The following ANKIB1 variants were observed in gnomAD, a reference collection of about 807,000 sequenced individuals.
ANKIB1 encodes the protein ankyrin repeat and IBR domain containing 1, also known as ankyrin repeat and IBR domain-containing protein 1.
ANKIB1 carries 43 observed loss-of-function variants against 122.1 expected under a neutral mutation model. The ratio of observed to expected loss-of-function variants is 0.35; its 90% CI spans 0.28 to 0.45. ANKIB1 has a LOEUF of 0.45. Ranked by LOEUF, ANKIB1 falls within the 20% of genes least tolerant of loss-of-function variation. The probability of loss-of-function intolerance (pLI) is 1.00; values close to 1 mark genes in which losing one functional copy is unlikely to be tolerated. For synonymous variants in ANKIB1, 390 were observed against 442.0 expected, an observed-to-expected ratio of 0.88 and a Z score of 1.48; for missense variants, 992 against 1,329.5, an observed-to-expected ratio of 0.75 and a Z score of 3.95.
chr7:92,355,539 G>T (rs958921320), intron 9 of ANKIB1, among the ~76,000 whole-genome samples: 5 of 152,044 alleles, frequency 3.3e-5, no homozygotes, highest in Admixed American at 3.3e-4. Context: ...GAAATTGATT[G>T]GCAGGAAATA....
At chr7:92,337,312 G>C (rs1294548778) in intron 5 of ANKIB1, among the ~76,000 whole-genome samples, 1 of 152,140 alleles carries the variant, frequency 6.6e-6, no homozygotes, top group Non-Finnish European at 1.5e-5. Flanking sequence ...TTTAAATTAA[G>C]AATTAGGCTA....
chr7:92,246,503 C>CA lies in ANKIB1; in HGVS notation c.-106dup. The stretch of plus-strand genomic sequence containing the variant: ...TGCTGGGTCCACCGACCCTTACCCT[C>CA]AGCGAGAGAAGTAACCGTAAGTCTC... On this transcript the variant is annotated 5_prime_UTR_variant, in exon 1 of 20. Coordinates refer to ENST00000265742, the MANE Select transcript of ANKIB1 (RefSeq NM_019004.2). 1.9e-6 allele frequency: 1 copy of CA among 518,528 alleles called. No homozygotes were observed. The highest frequency in any genetic ancestry group is 1.4e-5 in the South Asian group (1 of 71,518). The allele number at this position is 518,528 out of a possible 1,614,324, so 32.1% of individuals were successfully genotyped here.
At chr7:92,289,381 T>G (rs144083298) in intron 1 of ANKIB1, among the ~76,000 whole-genome samples, 259 of 152,328 alleles carry the variant, frequency 1.7e-3, no homozygotes, top group African/African-American at 5.8e-3. Flanking sequence ...TTTTGTTCAT[T>G]TGTATTTTTT....
At chr7:92,380,525 G>A (rs1316400606) in intron 11 of ANKIB1, among the ~76,000 whole-genome samples, 1 of 152,146 alleles carries the variant, frequency 6.6e-6, no homozygotes, top group Non-Finnish European at 1.5e-5. Context: ...CCTCTGAGAC[G>A]AAGATTCCAG....
chr7:92,342,341 G>C (rs74797352), intron 5 of ANKIB1, among the ~76,000 whole-genome samples: 188 of 152,280 alleles, frequency 1.2e-3, no homozygotes, highest in East Asian at 9.1e-3. Context: ...CAAAGTAATT[G>C]AATGTATTAG....
chr7:92,390,162 A>G, intron 15 of ANKIB1, 46 bp downstream of exon 15: 1 of 1,392,658 alleles, frequency 7.2e-7, no homozygotes, highest in African/African-American at 1.5e-5. Flanking sequence ...TTATTATGAA[A>G]TACAGAATTT....
intron 5 of ANKIB1, among the ~76,000 whole-genome samples, chr7:92,330,885 C>T (rs1803157887): frequency 6.6e-6 from 1 of 151,878 alleles, no homozygotes; most frequent in South Asian, 2.1e-4. Flanking sequence ...TCTTTTTAGC[C>T]CATAATAATG....
At chr7:92,262,508 C>T (rs891275075) in intron 1 of ANKIB1, among the ~76,000 whole-genome samples, 5 of 151,970 alleles carry the variant, frequency 3.3e-5, no homozygotes, top group African/African-American at 7.2e-5. Flanking sequence ...TAAAATGTGT[C>T]CAAGGGGTAG....
intron 1 of ANKIB1, among the ~76,000 whole-genome samples, chr7:92,275,576 C>T (rs941907989): frequency 6.6e-6 from 1 of 151,898 alleles, no homozygotes; most frequent in African/African-American, 2.4e-5. Context: ...TAATTCAATC[C>T]CAAATGGCAA....
At chr7:92,391,383 A>G in intron 16 of ANKIB1, 39 bp downstream of exon 16, 2 of 1,444,814 alleles carry the variant, frequency 1.4e-6, no homozygotes, top group Non-Finnish European at 1.8e-6. Flanking sequence ...TCCTAGCTCC[A>G]GCCACAAATA....
intron 7 of ANKIB1, among the ~76,000 whole-genome samples, chr7:92,347,311 G>A (rs920652896): frequency 2.6e-5 from 4 of 151,828 alleles, no homozygotes; most frequent in African/African-American, 4.8e-5. Context: ...TGCTATTTTT[G>A]TTTTAAGCTC....
chr7:92,273,083 C>T (rs1432092555), intron 1 of ANKIB1, among the ~76,000 whole-genome samples: 3 of 152,088 alleles, frequency 2.0e-5, no homozygotes, highest in Non-Finnish European at 4.4e-5. Context: ...CAATGGACTG[C>T]ATATATTATG....
At chr7:92,295,242 G>A (rs1194742667) in intron 2 of ANKIB1, 76 bp downstream of exon 2, 1 of 1,131,506 alleles carries the variant, frequency 8.8e-7, no homozygotes, top group Non-Finnish European at 1.2e-6. Context: ...GAAAAAAAAG[G>A]AACTATGATT....
intron 3 of ANKIB1, among the ~76,000 whole-genome samples, chr7:92,311,309 T>C (rs1251101654): frequency 1.3e-5 from 2 of 152,152 alleles, no homozygotes; most frequent in African/African-American, 2.4e-5. Context: ...CCATGGAACC[T>C]TGCATGTGTC....
chr7:92,348,645 AAGCGCTAGGATTATAGGCGTG>A (rs959993363), intron 7 of ANKIB1, among the ~76,000 whole-genome samples: 1 of 152,086 alleles, frequency 6.6e-6, no homozygotes, highest in African/African-American at 2.4e-5. Context: ...CGGCCTCCCA[AAGCGCTAGGATTATAGGCGTG>A]AGCCACCGTG....
chr7:92,346,311 A>G (rs1435137608), intron 7 of ANKIB1, among the ~76,000 whole-genome samples: 2 of 152,008 alleles, frequency 1.3e-5, no homozygotes, highest in Non-Finnish European at 2.9e-5. Flanking sequence ...TTGTGTTTTT[A>G]GTAGAGATGG....
Position 92,362,257 on chromosome 7 carries a change from A to G in ANKIB1, c.1470A>G (p.Glu490=), listed in dbSNP as rs756675552. 1 of 1,591,652 alleles carries G rather than the reference A, an allele frequency of 6.3e-7. No homozygotes were observed. The highest frequency in any genetic ancestry group is 1.8e-5 in the Admixed American group (1 of 56,628). ...TWKNWLQKIT[E]MKPEELVGVS... is the part of the protein sequence containing the mutation. Reference sequence around the variant, plus strand: ...AGAATTGGCTGCAAAAAATAACCGAAATGAAACCAGAAGAACGTAAGAGGA... The same window carrying G: ...AGAATTGGCTGCAAAAAATAACCGAGATGAAACCAGAAGAACGTAAGAGGA... The change falls in exon 10 of 20, where the codon GAA becomes GAG. Residue 490 remains glutamate, a synonymous_variant. Coordinates refer to ENST00000265742, the MANE Select transcript of ANKIB1 (RefSeq NM_019004.2).
chr7:92,257,105 G>A (rs559882391), intron 1 of ANKIB1, among the ~76,000 whole-genome samples: 1 of 151,962 alleles, frequency 6.6e-6, no homozygotes, highest in Non-Finnish European at 1.5e-5. Flanking sequence ...CAGTAGAATT[G>A]CTTGAACCTG....
intron 12 of ANKIB1, among the ~76,000 whole-genome samples, 168 bp from the exon 13 acceptor site, chr7:92,387,630 C>T (rs1366594585): frequency 1.3e-5 from 2 of 149,520 alleles, no homozygotes; most frequent in Non-Finnish European, 1.5e-5. Flanking sequence ...AGCGAGACTC[C>T]GTCTCAAAAA....
Sources: allele counts gnomAD v4.1 joint callset (sites outside exome capture counted in the v4.1 genomes callset), GRCh38; gene constraint gnomAD v4.1.1; transcripts MANE v1.5; gene names NCBI Gene and HGNC (gene_info 2026-07-23, HGNC 2026-07-21).